CCPG1: variants seen among roughly 807,000 people sequenced by gnomAD.
CCPG1 encodes cell cycle progression 1.
A neutral mutation model predicts 81.3 loss-of-function variants in CCPG1; 46 were observed. The ratio of observed to expected loss-of-function variants is 0.57; its 90% CI spans 0.45 to 0.72. CCPG1 has a LOEUF of 0.72. Among genes scored for constraint, CCPG1 ranks in the 30% least tolerant of loss-of-function variants. The probability of loss-of-function intolerance (pLI) is 0.00; values close to 1 mark genes in which losing one functional copy is unlikely to be tolerated. For missense variants in CCPG1, 902 were observed against 937.6 expected (o/e 0.96, Z 0.50); for synonymous variants, 330 against 305.2 (o/e 1.08, Z -0.85).
At chr15:55,400,425 T>C (rs1302458192) in intron 1 of CCPG1, among the ~76,000 whole-genome samples, 1 of 151,788 alleles carries the variant, frequency 6.6e-6, no homozygotes, top group Non-Finnish European at 1.5e-5. Flanking sequence ...GAAGAATCGC[T>C]TGAGCCCAGG....
intron 5 of CCPG1, chr15:55,374,299 G>T: frequency 1.1e-6 from 1 of 946,080 alleles, no homozygotes; most frequent in Non-Finnish European, 1.4e-6. Flanking sequence ...ATATTATAAA[G>T]ACTAAAAAGA....
chr15:55,364,677 C>A (rs1466066044), intron 7 of CCPG1, among the ~76,000 whole-genome samples: 2 of 150,572 alleles, frequency 1.3e-5, no homozygotes, highest in Admixed American at 6.6e-5. Flanking sequence ...TCAAGACCAG[C>A]GTGGCCAACA....
chr15:55,403,329 T>A (rs528138120), intron 1 of CCPG1, among the ~76,000 whole-genome samples: 2 of 152,044 alleles, frequency 1.3e-5, no homozygotes, highest in African/African-American at 4.8e-5. Context: ...TCTTTTTACA[T>A]TTCAACATGC....
chr15:55,355,589 G>C lies in CCPG1; in HGVS notation c.*631C>G. 1 of 515,352 alleles carries C rather than the reference G, an allele frequency of 1.9e-6. No homozygotes were observed. Among genetic ancestry groups the C allele is most frequent in the Non-Finnish European group, 3.3e-6 (1 of 298,694 alleles). 31.9% of individuals were successfully genotyped at this position (515,352 alleles called of 1,614,324 possible). On this transcript the variant is annotated 3_prime_UTR_variant, in exon 9 of 9. Coordinates refer to ENST00000442196, the MANE Select transcript of CCPG1 (RefSeq NM_001204450.2). The stretch of plus-strand genomic sequence containing the variant: ...GAGGAAATGTATAAAATACCACATA[G>C]TATAAAATTACATGTTAATACAATG...
chr15:55,357,024 TCC>T lies in CCPG1; in HGVS notation c.2235-617_2235-616del, dbSNP rs1206788562. The T allele has an allele frequency of 3.3e-4, 325 of 985,576 alleles. 6 individuals are homozygous for T. The Admixed American group carries it at 0.019, about 58-fold the overall frequency. 61.1% of individuals were successfully genotyped at this position (985,576 alleles called of 1,614,324 possible). ...GGATTTTCAAGGTACCACTCCCCAC[TCC>T]TGTCCTTAGCCTTCCCTACAACCCC... On this transcript the variant is annotated intron_variant, in intron 8 of 8. Transcript: ENST00000442196.
chr15:55,358,847 T>C (rs1041405260), intron 8 of CCPG1: 1 of 971,908 alleles, frequency 1.0e-6, no homozygotes, highest in Non-Finnish European at 1.2e-6. Context: ...CATTATTTTA[T>C]AGACACATTA....
chr15:55,393,974 ATC>A (rs2056971086), intron 1 of CCPG1, among the ~76,000 whole-genome samples: 1 of 152,118 alleles, frequency 6.6e-6, no homozygotes, highest in African/African-American at 2.4e-5. Flanking sequence ...TTTTCAATAA[ATC>A]TCTGACTTCA....
intron 7 of CCPG1, among the ~76,000 whole-genome samples, chr15:55,363,193 CA>C (rs1257621263): frequency 6.6e-6 from 1 of 151,678 alleles, no homozygotes; most frequent in Non-Finnish European, 1.5e-5. Context: ...ACTGAAAATG[CA>C]AAAAATGAAC....
At chr15:55,384,100 C>T (rs1163242019) in intron 3 of CCPG1, among the ~76,000 whole-genome samples, 1 of 152,122 alleles carries the variant, frequency 6.6e-6, no homozygotes, top group Non-Finnish European at 1.5e-5. Context: ...CTTCCTTTCA[C>T]CTGAACACCT....
chr15:55,389,362 T>C lies in CCPG1; in HGVS notation c.60+3A>G, dbSNP rs957171914. ...ACCTTATAAAAAGTATTAAATATCA[T>C]ACCTCATGACTGATGACAGTCCAAC... On this transcript the variant is annotated splice_donor_region_variant and intron_variant, in intron 2 of 8. Coordinates refer to ENST00000442196, the MANE Select transcript of CCPG1 (RefSeq NM_001204450.2). 1.9e-6 allele frequency: 3 copies of C among 1,582,094 alleles called. No homozygotes were observed. Among genetic ancestry groups the C allele is most frequent in the South Asian group, 1.1e-5 (1 of 90,284 alleles).
chr15:55,360,615 C>T lies in CCPG1; in HGVS notation c.1158G>A (p.Leu386=). 6.2e-7 allele frequency: 1 copy of T among 1,614,100 alleles called. No individual in the cohort carries two copies. Among genetic ancestry groups the T allele is most frequent in the Non-Finnish European group, 8.5e-7 (1 of 1,180,016 alleles). Residue 386 remains leucine, a synonymous_variant, in exon 8 of 9, where the codon CTG becomes CTA. Coordinates refer to ENST00000442196, the MANE Select transcript of CCPG1 (RefSeq NM_001204450.2). Reference sequence around the variant, plus strand: ...CCGTAGTTACTAGTCGTTCTCTCTCCAGTTCTCTCTTTAGCATCTTTGCTT... The same window carrying T: ...CCGTAGTTACTAGTCGTTCTCTCTCTAGTTCTCTCTTTAGCATCTTTGCTT... ...LTEAKMLKRE[L]ERERLVTTAL...
chr15:55,382,937 T>C (rs868355385), intron 3 of CCPG1, among the ~76,000 whole-genome samples: 2 of 152,206 alleles, frequency 1.3e-5, no homozygotes, highest in South Asian at 2.1e-4. Flanking sequence ...CTGTTAATGT[T>C]GATATTTTGA....
intron 5 of CCPG1, among the ~76,000 whole-genome samples, chr15:55,373,647 T>C (rs1356715229): frequency 6.6e-6 from 1 of 152,204 alleles, no homozygotes; most frequent in African/African-American, 2.4e-5. Flanking sequence ...TGTGAGATTA[T>C]ATTTCTTGGA....
intron 8 of CCPG1, 189 bp from the exon 9 acceptor site, chr15:55,356,598 A>T: frequency 8.1e-7 from 1 of 1,238,580 alleles, no homozygotes; most frequent in Non-Finnish European, 1.0e-6. Flanking sequence ...GTCCTATAGA[A>T]AGAAAAAATA....
In CCPG1 at chr15:55,404,425, T is replaced by C. The variant is rs564677678; in HGVS notation, c.-10+3796A>G. ...CAGAAAGCAAAATGTGGGCTAATGA[T>C]TGATTATACTACTTACCAGTCCATA... On this transcript the variant is annotated intron_variant, in intron 1 of 8. Transcript: ENST00000442196. Among the ~76,000 whole-genome samples, 7 of 152,312 alleles carry C rather than the reference T, an allele frequency of 4.6e-5. No homozygotes were observed. In the South Asian group the frequency reaches 1.0e-3, roughly 23 times the overall value.
At chr15:55,372,902 C>T (rs753599980) in intron 5 of CCPG1, 1 of 532,114 alleles carries the variant, frequency 1.9e-6, no homozygotes, top group Admixed American at 2.0e-5. Context: ...GATCAAGGTT[C>T]AAAGCACTGT....
chr15:55,369,944 T>A (rs2056412857), intron 6 of CCPG1, among the ~76,000 whole-genome samples: 1 of 152,176 alleles, frequency 6.6e-6, no homozygotes, highest in Non-Finnish European at 1.5e-5. Context: ...CATGTTTACT[T>A]GTGGAGGGAA....
intron 1 of CCPG1, among the ~76,000 whole-genome samples, chr15:55,402,407 T>C (rs1451268017): frequency 6.6e-6 from 1 of 152,146 alleles, no homozygotes; most frequent in Non-Finnish European, 1.5e-5. Flanking sequence ...TTTGTATTTT[T>C]AGTAGAGACG....
chr15:55,379,373 A>G (rs947559591), intron 3 of CCPG1, among the ~76,000 whole-genome samples: 2 of 152,132 alleles, frequency 1.3e-5, no homozygotes, highest in Non-Finnish European at 2.9e-5. Context: ...AATAAAAATT[A>G]AAAAATTATT....
Sources: gnomAD v4.1 joint callset for allele counts (sites outside exome capture counted in the v4.1 genomes callset) on GRCh38, gnomAD v4.1.1 for gene constraint, MANE v1.5 for transcripts, NCBI Gene and HGNC (gene_info 2026-07-23, HGNC 2026-07-21) for gene names.